Variants in PPP1R12A observed in about 807,000 individuals in gnomAD.
PPP1R12A encodes protein phosphatase 1 regulatory subunit 12A, also known as myosin binding subunit.
In PPP1R12A, 19 loss-of-function variants were observed where a neutral mutation model predicts 139.6. That is an observed-to-expected ratio of 0.14 (90% CI 0.09 to 0.20). The LOEUF (loss-of-function observed/expected upper bound fraction) is 0.20. Among genes scored for constraint, PPP1R12A ranks in the 10% least tolerant of loss-of-function variants. The pLI is 1.00. For missense variants in PPP1R12A, 925 were observed against 1,211.5 expected (o/e 0.76, Z 3.51); for synonymous variants, 427 against 420.6 (o/e 1.02, Z -0.19).
intron 8 of PPP1R12A, 96 bp from the exon 9 acceptor site, chr12:79,817,614 T>C (rs933493153): frequency 8.1e-7 from 1 of 1,236,670 alleles, no homozygotes; most frequent in African/African-American, 1.5e-5. Flanking sequence ...TGTTTAAGGT[T>C]TTGTTAACTA....
intron 5 of PPP1R12A, 124 bp from the exon 6 acceptor site, chr12:79,822,314 A>G: frequency 3.2e-6 from 2 of 619,810 alleles, no homozygotes; most frequent in South Asian, 2.2e-5. Context: ...GTTATGATAC[A>G]ATAACTACTG....
intron 9 of PPP1R12A, among the ~76,000 whole-genome samples, 198 bp from the exon 10 acceptor site, chr12:79,810,208 T>C: frequency 6.6e-6 from 1 of 152,178 alleles, no homozygotes; most frequent in East Asian, 1.9e-4. Flanking sequence ...TAGACTACCT[T>C]CCTAGGGGTT....
intron 9 of PPP1R12A, among the ~76,000 whole-genome samples, chr12:79,814,432 G>A (rs1040319826): frequency 7.3e-6 from 1 of 136,714 alleles, no homozygotes; most frequent in African/African-American, 2.8e-5. Context: ...AGCCGAGATC[G>A]TGCTACTGCA....
intron 1 of PPP1R12A, among the ~76,000 whole-genome samples, chr12:79,880,742 C>T (rs543699086): frequency 5.3e-5 from 8 of 152,056 alleles, no homozygotes; most frequent in African/African-American, 1.9e-4. Flanking sequence ...CCACCGATAT[C>T]GGCATACCTA....
chr12:79,916,994 G>A (rs984964153), intron 1 of PPP1R12A, among the ~76,000 whole-genome samples: 2 of 151,706 alleles, frequency 1.3e-5, no homozygotes, highest in African/African-American at 4.8e-5. Flanking sequence ...GTTAACAGTT[G>A]AGGTACTTTA....
At chr12:79,898,519 G>A (rs1885338103) in intron 1 of PPP1R12A, among the ~76,000 whole-genome samples, 1 of 152,036 alleles carries the variant, frequency 6.6e-6, no homozygotes, top group Non-Finnish European at 1.5e-5. Context: ...ATGGTCAACG[G>A]CTATTATCTA....
intron 3 of PPP1R12A, among the ~76,000 whole-genome samples, chr12:79,839,595 G>A (rs1878469105): frequency 6.6e-6 from 1 of 152,170 alleles, no homozygotes; most frequent in Non-Finnish European, 1.5e-5. Flanking sequence ...CCCCAGTGCT[G>A]CTGTTCTTGT....
At chr12:79,875,259 C>T (rs1298490568) in intron 1 of PPP1R12A, among the ~76,000 whole-genome samples, 1 of 152,148 alleles carries the variant, frequency 6.6e-6, no homozygotes, top group Admixed American at 6.5e-5. Context: ...TAATCATCAT[C>T]ATATTGTCCC....
At chr12:79,890,891 C>CCA (rs1314222238) in intron 1 of PPP1R12A, among the ~76,000 whole-genome samples, 5 of 99,534 alleles carry the variant, frequency 5.0e-5, no homozygotes, top group South Asian at 3.6e-4. Flanking sequence ...CACACACCAC[C>CCA]CACCCACACC....
At chr12:79,847,175 G>A (rs943522498) in intron 2 of PPP1R12A, among the ~76,000 whole-genome samples, 2 of 152,058 alleles carry the variant, frequency 1.3e-5, no homozygotes, top group African/African-American at 4.8e-5. Context: ...TTATATGTGT[G>A]TAAACATATA....
rs564278524 is a variant in PPP1R12A at position 79,828,694 on chromosome 12, C to A, written c.648-230G>T. Among the ~76,000 whole-genome samples the A allele has an allele frequency of 2.6e-5, 4 of 152,094 alleles. No individual in the cohort carries two copies. The Middle Eastern group carries it at 0.014, about 521-fold the overall frequency. ...CATAATAATGCAGTTTTAATTAATT[C>A]CTAATGACTCTAAGTCTTATGGTTT... On this transcript the variant is annotated intron_variant, in intron 4 of 24. Transcript: ENST00000450142.
chr12:79,832,254 G>T, intron 4 of PPP1R12A, 78 bp downstream of exon 4: 2 of 1,332,528 alleles, frequency 1.5e-6, no homozygotes, highest in Non-Finnish European at 2.0e-6. Flanking sequence ...AATAACGTTT[G>T]CAGGTATTTT....
At chr12:79,933,470 A>G (rs1414463179) in intron 1 of PPP1R12A, among the ~76,000 whole-genome samples, 3 of 152,210 alleles carry the variant, frequency 2.0e-5, no homozygotes, top group Admixed American at 2.0e-4. Flanking sequence ...TTTTACTACA[A>G]CATTATTCAA....
intron 2 of PPP1R12A, among the ~76,000 whole-genome samples, chr12:79,859,396 T>C (rs1324931866): frequency 7.9e-6 from 1 of 127,278 alleles, no homozygotes; most frequent in Admixed American, 7.8e-5. Flanking sequence ...CAAAGAGAGA[T>C]GGAAAAAGGT....
intron 5 of PPP1R12A, chr12:79,825,612 T>C (rs1434490795): frequency 6.6e-6 from 1 of 151,864 alleles, no homozygotes; most frequent in African/African-American, 2.4e-5. Flanking sequence ...TTACACTTAC[T>C]ATATTATACA....
chr12:79,835,508 G>T (rs1398882728), intron 3 of PPP1R12A, among the ~76,000 whole-genome samples: 2 of 152,146 alleles, frequency 1.3e-5, no homozygotes, highest in Non-Finnish European at 2.9e-5. Context: ...CTTCTAGACT[G>T]TCTTCTAAAT....
chr12:79,866,553 AAATTTTTGC>A (rs1248839493), intron 2 of PPP1R12A, among the ~76,000 whole-genome samples: 1 of 152,244 alleles, frequency 6.6e-6, no homozygotes, highest in Non-Finnish European at 1.5e-5. Context: ...GAATCGGAGA[AAATTTTTGC>A]AATCTATCCA....
chr12:79,783,006 T>G (rs1870650465), intron 22 of PPP1R12A, among the ~76,000 whole-genome samples: 2 of 152,186 alleles, frequency 1.3e-5, no homozygotes, highest in South Asian at 4.1e-4. Flanking sequence ...TTTCACAATT[T>G]TTACGGTTAT....
At chr12:79,826,130 G>A (rs920933532) in intron 5 of PPP1R12A, among the ~76,000 whole-genome samples, 3 of 151,794 alleles carry the variant, frequency 2.0e-5, no homozygotes, top group Admixed American at 6.6e-5. Context: ...AAACTAAAAC[G>A]AAAAGAAGTT....
Sources: allele counts gnomAD v4.1 joint callset (sites outside exome capture counted in the v4.1 genomes callset), GRCh38; gene constraint gnomAD v4.1.1; transcripts MANE v1.5; gene names NCBI Gene and HGNC (gene_info 2026-07-23, HGNC 2026-07-21).